QTMAN: variants seen among roughly 807,000 people sequenced by gnomAD.
The protein encoded by QTMAN is tRNA-queuosine alpha-mannosyltransferase.
the QTMAN span, among the ~76,000 whole-genome samples, chr2:144,106,920 T>G: frequency 6.6e-6 from 1 of 152,196 alleles, no homozygotes; most frequent in African/African-American, 2.4e-5. Flanking sequence ...CAGACCACAG[T>G]GCAATCAAAC....
At chr2:144,137,361 C>T in the QTMAN span, among the ~76,000 whole-genome samples, 1 of 152,006 alleles carries the variant, frequency 6.6e-6, no homozygotes, top group Non-Finnish European at 1.5e-5. Context: ...CATAGAATGG[C>T]TCCAGGCTGC....
the QTMAN span, among the ~76,000 whole-genome samples, chr2:144,317,809 T>C: frequency 3.3e-5 from 5 of 152,178 alleles, no homozygotes; most frequent in East Asian, 9.6e-4. Flanking sequence ...ATCTAAAAGA[T>C]GCTTTTTTTT....
At chr2:143,981,953 A>G in the QTMAN span, among the ~76,000 whole-genome samples, 1 of 152,224 alleles carries the variant, frequency 6.6e-6, no homozygotes, top group African/African-American at 2.4e-5. Context: ...TATCAAAAAG[A>G]AAAAGTTCAG....
At chr2:144,042,434 G>T in the QTMAN span, among the ~76,000 whole-genome samples, 1 of 152,056 alleles carries the variant, frequency 6.6e-6, no homozygotes, top group Non-Finnish European at 1.5e-5. Context: ...AGATAAGAAA[G>T]AGGAGAGGAA....
chr2:144,133,493 ATT>A, the QTMAN span, among the ~76,000 whole-genome samples: 10 of 87,074 alleles, frequency 1.1e-4, no homozygotes, highest in Admixed American at 1.3e-3. Flanking sequence ...TAAAATATAT[ATT>A]ATATAATATA....
the QTMAN span, among the ~76,000 whole-genome samples, chr2:144,222,582 G>T: frequency 6.6e-6 from 1 of 151,478 alleles, no homozygotes; most frequent in Non-Finnish European, 1.5e-5. Flanking sequence ...CGAGGCGGGC[G>T]GATCACAAGG....
chr2:143,984,561 C>T, the QTMAN span, among the ~76,000 whole-genome samples: 5 of 152,318 alleles, frequency 3.3e-5, no homozygotes, highest in East Asian at 9.7e-4. Flanking sequence ...GTGTCCCTGT[C>T]AAGGGCTCCA....
At chr2:143,985,740 T>C in the QTMAN span, among the ~76,000 whole-genome samples, 1 of 152,134 alleles carries the variant, frequency 6.6e-6, no homozygotes, top group Non-Finnish European at 1.5e-5. Context: ...TGCTCACATA[T>C]AGAGAGCAGT....
the QTMAN span, among the ~76,000 whole-genome samples, chr2:144,280,580 G>T: frequency 6.6e-6 from 1 of 152,000 alleles, no homozygotes; most frequent in Non-Finnish European, 1.5e-5. Context: ...AAAAGAAACT[G>T]ATAAATTTGC....
the QTMAN span, among the ~76,000 whole-genome samples, chr2:144,178,098 G>C: frequency 3.3e-5 from 5 of 152,064 alleles, no homozygotes; most frequent in African/African-American, 1.2e-4. Context: ...TACAGTTCCT[G>C]GATATATTTT....
chr2:144,302,111 C>T, the QTMAN span, among the ~76,000 whole-genome samples: 1 of 152,128 alleles, frequency 6.6e-6, no homozygotes, highest in African/African-American at 2.4e-5. Context: ...TGCTCCTCCT[C>T]TACCTACAAT....
the QTMAN span, among the ~76,000 whole-genome samples, chr2:144,092,056 G>A: frequency 1.3e-5 from 2 of 152,182 alleles, no homozygotes; most frequent in African/African-American, 4.8e-5. Flanking sequence ...AGTGAGGATT[G>A]ATGGAGAACA....
the QTMAN span, among the ~76,000 whole-genome samples, chr2:144,186,123 AAT>A: frequency 3.9e-5 from 6 of 152,208 alleles, no homozygotes; most frequent in African/African-American, 1.4e-4. Flanking sequence ...AGTATGGGTC[AAT>A]ATATCTACTA....
the QTMAN span, among the ~76,000 whole-genome samples, chr2:144,054,225 C>T: frequency 6.6e-6 from 1 of 151,934 alleles, no homozygotes; most frequent in Non-Finnish European, 1.5e-5. Flanking sequence ...AAAACCTTCC[C>T]ACACAGGTTC....
At chr2:144,210,328 A>G in the QTMAN span, among the ~76,000 whole-genome samples, 1 of 152,198 alleles carries the variant, frequency 6.6e-6, no homozygotes, top group Non-Finnish European at 1.5e-5. Context: ...AGCACAGTAG[A>G]CTACAAATAG....
At chr2:144,081,379 A>C in the QTMAN span, among the ~76,000 whole-genome samples, 1 of 152,212 alleles carries the variant, frequency 6.6e-6, no homozygotes, top group Non-Finnish European at 1.5e-5. Flanking sequence ...ACAAGAGTCC[A>C]AAGTTAACTG....
At chr2:143,994,992 A>C in the QTMAN span, among the ~76,000 whole-genome samples, 1 of 152,186 alleles carries the variant, frequency 6.6e-6, no homozygotes, top group African/African-American at 2.4e-5. Context: ...CTTTAAAACT[A>C]TATCACTCCT....
At chr2:144,288,309 C>CA in the QTMAN span, among the ~76,000 whole-genome samples, 55 of 152,144 alleles carry the variant, frequency 3.6e-4, no homozygotes, top group African/African-American at 1.3e-3. Context: ...AACTGTACCA[C>CA]AAAAATGACA....
At chr2:144,123,122 G>A in the QTMAN span, among the ~76,000 whole-genome samples, 1 of 151,894 alleles carries the variant, frequency 6.6e-6, no homozygotes, top group South Asian at 2.1e-4. Context: ...CTATCTATAA[G>A]GATTTAAAAG....
Sources: gnomAD v4.1 joint callset for allele counts (sites outside exome capture counted in the v4.1 genomes callset) on GRCh38, gnomAD v4.1.1 for gene constraint, MANE v1.5 for transcripts, NCBI Gene and HGNC (gene_info 2026-07-23, HGNC 2026-07-21) for gene names.